The following FHIT variants were observed in gnomAD, a reference collection of about 807,000 sequenced individuals.
The protein encoded by FHIT is fragile histidine triad diadenosine triphosphatase.
In FHIT, 19 loss-of-function variants were observed where a neutral mutation model predicts 17.9. That is an observed-to-expected ratio of 1.06 (90% confidence interval 0.74 to 1.56). FHIT has a LOEUF of 1.56. FHIT is among the 40% of genes most tolerant of loss of function. The pLI is 0.00. For missense variants in FHIT, 248 were observed against 189.2 expected, an observed-to-expected ratio of 1.31 and a Z score of -1.82; for synonymous variants, 81 against 69.7, an observed-to-expected ratio of 1.16 and a Z score of -0.81.
chr3:59,984,422 A>G (rs774131056), intron 7 of FHIT, among the ~76,000 whole-genome samples: 1 of 152,056 alleles, frequency 6.6e-6, no homozygotes, highest in Non-Finnish European at 1.5e-5. Context: ...ACAGCGTGGA[A>G]CATGCTACCC....
intron 4 of FHIT, among the ~76,000 whole-genome samples, chr3:60,599,261 AAAAATAT>A (rs530830073): frequency 1.1e-3 from 161 of 152,278 alleles, no homozygotes; most frequent in African/African-American, 3.6e-3. Flanking sequence ...AAACTCATTT[AAAAATAT>A]ACCTGCTGTT....
At chr3:60,421,776 G>C (rs1702477291) in intron 5 of FHIT, among the ~76,000 whole-genome samples, 1 of 151,960 alleles carries the variant, frequency 6.6e-6, no homozygotes, top group Non-Finnish European at 1.5e-5. Flanking sequence ...ACTTGAAACA[G>C]GACATTCTGT....
intron 5 of FHIT, among the ~76,000 whole-genome samples, chr3:60,297,849 G>T (rs1708283190): frequency 6.6e-6 from 1 of 152,040 alleles, no homozygotes; most frequent in Non-Finnish European, 1.5e-5. Flanking sequence ...AACAGGTTAG[G>T]GGTTCAGTCC....
At chr3:60,672,874 C>CATGTGTGT (rs71092628) in intron 4 of FHIT, among the ~76,000 whole-genome samples, 2,301 of 139,528 alleles carry the variant, frequency 0.016, 58 homozygotes, top group African/African-American at 0.04. Flanking sequence ...CTCTTTGTAG[C>CATGTGTGT]GTGTGTGTGT....
intron 5 of FHIT, among the ~76,000 whole-genome samples, chr3:60,480,642 A>C (rs2033567674): frequency 6.6e-6 from 1 of 152,170 alleles, no homozygotes; most frequent in Non-Finnish European, 1.5e-5. Flanking sequence ...GCAAATCCGA[A>C]ACCCAGTGAG....
At chr3:61,218,506 G>C (rs574777491) in intron 1 of FHIT, among the ~76,000 whole-genome samples, 3 of 152,192 alleles carry the variant, frequency 2.0e-5, no homozygotes, top group Admixed American at 2.0e-4. Flanking sequence ...AGGAAAGAGT[G>C]GCAACTAAAG....
At chr3:59,929,900 C>T (rs1358395345) in intron 7 of FHIT, among the ~76,000 whole-genome samples, 1 of 150,348 alleles carries the variant, frequency 6.7e-6, no homozygotes, top group Non-Finnish European at 1.5e-5. Context: ...CAGACAAAAA[C>T]CCTGAAGCAA....
At chr3:60,206,994 T>A (rs1703223602) in intron 5 of FHIT, among the ~76,000 whole-genome samples, 1 of 152,256 alleles carries the variant, frequency 6.6e-6, no homozygotes, top group South Asian at 2.1e-4. Context: ...GATATATGTG[T>A]GTGAAAACAT....
At chr3:60,424,174 G>A (rs995262225) in intron 5 of FHIT, among the ~76,000 whole-genome samples, 1 of 152,048 alleles carries the variant, frequency 6.6e-6, no homozygotes, top group African/African-American at 2.4e-5. Context: ...TGATGAGAAC[G>A]CTGAAGTTCA....
intron 5 of FHIT, among the ~76,000 whole-genome samples, chr3:60,338,487 T>G (rs1710354431): frequency 6.6e-6 from 1 of 152,220 alleles, no homozygotes. Flanking sequence ...CGCCACCATG[T>G]CTATGTCTGG....
rs185117455 is a variant in FHIT at position 60,714,316 on chromosome 3, C to A, written c.-18+107603G>T. On this transcript the variant is annotated intron_variant, in intron 4 of 9. Coordinates refer to ENST00000492590, the MANE Select transcript of FHIT (RefSeq NM_002012.4). ...ATAAGAGCTATCTATGACAAACCCA[C>A]AGCAAATATCATACTGAATGGGCAA... Among the ~76,000 whole-genome samples the A allele has an allele frequency of 5.5e-3, 844 of 152,134 alleles. 4 individuals carry two copies. The highest frequency in any genetic ancestry group is 8.7e-3 in the Non-Finnish European group (589 of 67,978).
At chr3:60,419,477 G>T (rs999769121) in intron 5 of FHIT, among the ~76,000 whole-genome samples, 7 of 152,100 alleles carry the variant, frequency 4.6e-5, no homozygotes, top group African/African-American at 7.2e-5. Context: ...TAAAATAATT[G>T]TTTTTTACAT....
intron 5 of FHIT, among the ~76,000 whole-genome samples, chr3:60,382,557 T>A (rs1422364733): frequency 1.3e-5 from 2 of 152,182 alleles, no homozygotes; most frequent in African/African-American, 4.8e-5. Context: ...TAAATGTCCA[T>A]TTTACCTACA....
At chr3:60,146,759 T>A (rs1023771400) in intron 5 of FHIT, among the ~76,000 whole-genome samples, 1 of 152,158 alleles carries the variant, frequency 6.6e-6, no homozygotes, top group South Asian at 2.1e-4. Flanking sequence ...AGATTAAATC[T>A]GCAGCAAAAG....
chr3:60,886,441 G>C (rs1415003232), intron 3 of FHIT, among the ~76,000 whole-genome samples: 2 of 152,196 alleles, frequency 1.3e-5, no homozygotes, highest in African/African-American at 2.4e-5. Flanking sequence ...AAGAGATCAA[G>C]AGTGGTAAAA....
chr3:60,646,056 G>A (rs78486456), intron 4 of FHIT, among the ~76,000 whole-genome samples: 1 of 152,112 alleles, frequency 6.6e-6, no homozygotes, highest in Non-Finnish European at 1.5e-5. Flanking sequence ...CTCAACTTTT[G>A]CAAGAGCCCA....
chr3:60,423,043 A>T (rs145566132), intron 5 of FHIT, among the ~76,000 whole-genome samples: 111 of 152,304 alleles, frequency 7.3e-4, no homozygotes, highest in Middle Eastern at 3.4e-3. Context: ...ATGGGACAGA[A>T]TATGGTTATA....
At chr3:60,672,080 T>C (rs190161279) in intron 4 of FHIT, among the ~76,000 whole-genome samples, 4 of 152,382 alleles carry the variant, frequency 2.6e-5, no homozygotes, top group African/African-American at 9.6e-5. Flanking sequence ...CACATTGGCT[T>C]TCTAAAAATT....
intron 8 of FHIT, among the ~76,000 whole-genome samples, chr3:59,893,691 G>C (rs1307035059): frequency 1.3e-5 from 2 of 152,232 alleles, no homozygotes; most frequent in African/African-American, 4.8e-5. Flanking sequence ...AGCCTGAAAA[G>C]TTACTTATGA....
Sources: allele counts gnomAD v4.1 joint callset (sites outside exome capture counted in the v4.1 genomes callset), GRCh38; gene constraint gnomAD v4.1.1; transcripts MANE v1.5; gene names NCBI Gene and HGNC (gene_info 2026-07-23, HGNC 2026-07-21).